MTUS1: variants seen among roughly 807,000 people sequenced by gnomAD.
The protein encoded by MTUS1 is microtubule associated scaffold protein 1, also known as microtubule-associated tumor suppressor 1.
Under a neutral mutation model 120.8 loss-of-function variants are expected in MTUS1, and 109 were observed. The ratio of observed to expected loss-of-function variants is 0.90; its 90% CI spans 0.77 to 1.06. The LOEUF (loss-of-function observed/expected upper bound fraction) is 1.06, where lower values mean the gene tolerates loss of function less well. MTUS1 is among the 50% of genes least tolerant of loss of function. The pLI is 0.00. For synonymous variants in MTUS1, 737 were observed against 550.5 expected (o/e 1.34, Z -4.74); for missense variants, 2,210 against 1,486.3 (o/e 1.49, Z -8.01).
chr8:17,737,433 A>G (rs979429596), intron 3 of MTUS1, among the ~76,000 whole-genome samples: 2 of 152,244 alleles, frequency 1.3e-5, no homozygotes, highest in African/African-American at 4.8e-5. Flanking sequence ...ACTTTAAGGA[A>G]ACTAATTTAA....
At chr8:17,668,682 C>T (rs1367578200) in intron 8 of MTUS1, among the ~76,000 whole-genome samples, 1 of 152,058 alleles carries the variant, frequency 6.6e-6, no homozygotes, top group Non-Finnish European at 1.5e-5. Flanking sequence ...CTGCTTTAAA[C>T]TTTTATTTTA....
chr8:17,742,277 T>TC (rs1336470169), intron 3 of MTUS1, among the ~76,000 whole-genome samples: 6 of 124,296 alleles, frequency 4.8e-5, no homozygotes, highest in African/African-American at 2.0e-4. Context: ...CTGTTTTTTT[T>TC]TTTTGTTGTT....
At chr8:17,685,897 A>G (rs1198613782) in intron 6 of MTUS1, among the ~76,000 whole-genome samples, 2 of 152,354 alleles carry the variant, frequency 1.3e-5, no homozygotes, top group Non-Finnish European at 2.9e-5. Flanking sequence ...AATAATTGTC[A>G]CTTGCATAGA....
chr8:17,683,525 C>T (rs1815073656), intron 7 of MTUS1, among the ~76,000 whole-genome samples: 1 of 152,180 alleles, frequency 6.6e-6, no homozygotes, highest in South Asian at 2.1e-4. Context: ...CTCCTGACCA[C>T]AAGCGATCCT....
chr8:17,690,692 T>C (rs1044915326), intron 6 of MTUS1, among the ~76,000 whole-genome samples: 5 of 152,112 alleles, frequency 3.3e-5, no homozygotes, highest in Non-Finnish European at 1.5e-5. Flanking sequence ...ACAAGCAATT[T>C]GGAAGAAACG....
intron 8 of MTUS1, among the ~76,000 whole-genome samples, chr8:17,659,867 C>G (rs1428263315): frequency 6.6e-6 from 1 of 152,150 alleles, no homozygotes; most frequent in Non-Finnish European, 1.5e-5. Context: ...ACCAATTAAA[C>G]AGTAACAACC....
chr8:17,744,689 C>CTTTTTTTTTTT (rs58283163), intron 2 of MTUS1, among the ~76,000 whole-genome samples: 35 of 99,016 alleles, frequency 3.5e-4, no homozygotes, highest in East Asian at 6.0e-4. Flanking sequence ...ACCATGTTTT[C>CTTTTTTTTTTT]TTTTTTTTTT....
chr8:17,740,993 A>G lies in MTUS1; in HGVS notation c.2287+2611T>C, dbSNP rs536292128. On this transcript the variant is annotated intron_variant, in intron 3 of 14. Transcript: ENST00000693296. ...GAATTCTCCTGCCTCACCCTCCCCA[A>G]TAGCTGGGATTACAGTCACCTGCCA... 1.3e-4 allele frequency among the ~76,000 whole-genome samples: 20 copies of G among 151,764 alleles called. No individual in the cohort carries two copies. The South Asian group carries it at 3.6e-3, about 27-fold the overall frequency.
intron 1 of MTUS1, among the ~76,000 whole-genome samples, chr8:17,786,746 A>T (rs2051334535): frequency 6.6e-6 from 1 of 152,096 alleles, no homozygotes; most frequent in South Asian, 2.1e-4. Context: ...GATCCACCCG[A>T]GCGGTATGAA....
At chr8:17,774,956 T>G (rs1367920112) in intron 1 of MTUS1, among the ~76,000 whole-genome samples, 1 of 87,406 alleles carries the variant, frequency 1.1e-5, no homozygotes, top group East Asian at 2.8e-4. Context: ...GGCTGAACCC[T>G]GAAAATATTA....
At chr8:17,786,332 G>C (rs1287795336) in intron 1 of MTUS1, among the ~76,000 whole-genome samples, 5 of 152,114 alleles carry the variant, frequency 3.3e-5, no homozygotes, top group Non-Finnish European at 5.9e-5. Flanking sequence ...GCAGCAGACA[G>C]TCCTCACCCG....
chr8:17,686,168 T>C (rs1585686759), intron 6 of MTUS1, among the ~76,000 whole-genome samples: 1 of 152,326 alleles, frequency 6.6e-6, no homozygotes, highest in East Asian at 1.9e-4. Flanking sequence ...CTCACAGGTG[T>C]GAATGTCTTC....
At chr8:17,656,590 G>A (rs1302523163) in intron 8 of MTUS1, among the ~76,000 whole-genome samples, 1 of 131,748 alleles carries the variant, frequency 7.6e-6, no homozygotes, top group African/African-American at 2.8e-5. Flanking sequence ...CAAGCAGTAA[G>A]AGAAGTACTT....
rs372295537 is a variant in MTUS1, at chr8:17,647,047, C to A, written c.3534G>T (p.Leu1178Phe). ...VDNNTALVDK[L>F]KRFQQENEEL... is the part of the protein sequence containing the mutation. ...CTTCATTCTCCTGCTGGAAACGCTT[C>A]AATTTGTCAACCAATGCTGTGTTGT... The change falls in exon 14 of 15, where the codon TTG becomes TTT. Residue 1178 changes from leucine to phenylalanine, a missense_variant. Coordinates refer to ENST00000693296, the MANE Select transcript of MTUS1 (RefSeq NM_001363059.2). 9.9e-6 allele frequency: 16 copies of A among 1,613,880 alleles called. No individual in the cohort carries two copies. Among genetic ancestry groups the A allele is most frequent in the Middle Eastern group, 1.7e-4 (1 of 6,060 alleles).
At chr8:17,684,914 A>G (rs1037265965) in intron 6 of MTUS1, among the ~76,000 whole-genome samples, 4 of 152,152 alleles carry the variant, frequency 2.6e-5, no homozygotes, top group African/African-American at 9.7e-5. Context: ...TTCTGATCTC[A>G]TATGCTGAAA....
intron 6 of MTUS1, chr8:17,691,895 G>C (rs903588773): frequency 2.6e-5 from 4 of 152,086 alleles, no homozygotes; most frequent in Non-Finnish European, 5.9e-5. Flanking sequence ...ATTTAAAGTT[G>C]AACACATTCT....
intron 12 of MTUS1, among the ~76,000 whole-genome samples, chr8:17,650,737 T>A (rs1003933879): frequency 4.6e-5 from 7 of 152,134 alleles, no homozygotes; most frequent in Non-Finnish European, 7.4e-5. Flanking sequence ...AAATAAATGC[T>A]ACATCAGGGG....
Position 17,713,102 on chromosome 8 carries a change from A to G in MTUS1, c.2623+112T>C, listed in dbSNP as rs142514992. On this transcript the variant is annotated intron_variant, in intron 6 of 14. Coordinates refer to ENST00000693296, the MANE Select transcript of MTUS1 (RefSeq NM_001363059.2). ...CATAAAAAGTTAGGTTTACACCTCA[A>G]ATTGGAAATTCTACTTATAAGCACA... 86 of 883,150 alleles carry G rather than the reference A, an allele frequency of 9.7e-5. 1 individual carries two copies. The African/African-American group carries it at 1.1e-3, about 11-fold the overall frequency. 54.7% of individuals were successfully genotyped at this position (883,150 alleles called of 1,614,324 possible).
chr8:17,762,384 C>T, intron 1 of MTUS1, among the ~76,000 whole-genome samples: 1 of 152,164 alleles, frequency 6.6e-6, no homozygotes, highest in Non-Finnish European at 1.5e-5. Context: ...CTGTTAAAAC[C>T]ATTCAAGGTA....
Sources: allele counts gnomAD v4.1 joint callset (sites outside exome capture counted in the v4.1 genomes callset), GRCh38; gene constraint gnomAD v4.1.1; transcripts MANE v1.5; gene names NCBI Gene and HGNC (gene_info 2026-07-23, HGNC 2026-07-21).